Variants in PRKG1 observed in about 807,000 individuals in gnomAD.
PRKG1 encodes protein kinase cGMP-dependent 1, also known as cGMP-dependent protein kinase 1.
PRKG1 carries 35 observed loss-of-function variants against 88.1 expected under a neutral mutation model. That is an observed-to-expected ratio of 0.40 (90% CI 0.30 to 0.53). PRKG1 has a LOEUF of 0.53. Among genes scored for constraint, PRKG1 ranks in the 20% least tolerant of loss-of-function variants. The probability of loss-of-function intolerance (pLI) is 0.59; values close to 1 mark genes in which losing one functional copy is unlikely to be tolerated. For synonymous variants in PRKG1, 303 were observed against 292.5 expected, an observed-to-expected ratio of 1.04 and a Z score of -0.37; for missense variants, 540 against 839.8, an observed-to-expected ratio of 0.64 and a Z score of 4.41.
chr10:51,139,930 C>A (rs542339798), intron 1 of PRKG1, among the ~76,000 whole-genome samples: 76 of 152,306 alleles, frequency 5.0e-4, no homozygotes, highest in African/African-American at 1.8e-3. Flanking sequence ...GAATTCAATT[C>A]TTTCTCACCA....
chr10:51,651,399 T>G (rs1840035126), intron 3 of PRKG1, among the ~76,000 whole-genome samples: 1 of 152,038 alleles, frequency 6.6e-6, no homozygotes, highest in Non-Finnish European at 1.5e-5. Flanking sequence ...TGGGATGCCC[T>G]TCCCTCTTGT....
intron 5 of PRKG1, among the ~76,000 whole-genome samples, chr10:52,003,882 T>G (rs1195913712): frequency 6.6e-6 from 1 of 152,244 alleles, no homozygotes; most frequent in Admixed American, 6.5e-5. Flanking sequence ...GAAGTCAGAC[T>G]TCCTGCACTG....
intron 3 of PRKG1, among the ~76,000 whole-genome samples, chr10:51,483,009 C>CTTTTTTTTTTTTTT (rs149140774): frequency 4.5e-5 from 5 of 110,480 alleles, no homozygotes; most frequent in African/African-American, 1.0e-4. Context: ...TCTTTTCTTT[C>CTTTTTTTTTTTTTT]TTTTTTTTTT....
chr10:51,235,530 G>A (rs774306188), intron 2 of PRKG1, among the ~76,000 whole-genome samples: 8 of 152,026 alleles, frequency 5.3e-5, no homozygotes, highest in Non-Finnish European at 8.8e-5. Context: ...CTTAATGCTC[G>A]GGAGATGGAT....
rs755705869 is a variant in PRKG1, at chr10:51,238,760, C to CA, written c.478+85446dup. Among the ~76,000 whole-genome samples, 677 of 98,004 alleles carry CA rather than the reference C, an allele frequency of 6.9e-3. 1 individual carries two copies. Among genetic ancestry groups the CA allele is most frequent in the African/African-American group, 0.019 (499 of 26,498 alleles). 64.3% of individuals were successfully genotyped at this position (98,004 alleles called of 152,430 possible). On this transcript the variant is annotated intron_variant, in intron 2 of 17. Transcript: ENST00000373980. ...TGGGAGACAGAGGGAGACTCTATCT[C>CA]AAAAAAAAAAAAAAAAGTATTTTTC...
At chr10:51,615,710 C>T (rs1839034174) in intron 3 of PRKG1, among the ~76,000 whole-genome samples, 1 of 150,502 alleles carries the variant, frequency 6.6e-6, no homozygotes, top group Non-Finnish European at 1.5e-5. Context: ...TATTCATATC[C>T]TAAATTGTTT....
In PRKG1 at chr10:51,079,679, T is replaced by TTGTGTGTGTG. The variant is rs56746938; in HGVS notation, c.311+4794_311+4803dup. ...GGGTTTTAGAATAGCTAAGGCTCAT[T>TTGTGTGTGTG]TGTGTGTGTGTGTGTGTGTGTGTGT... On this transcript the variant is annotated intron_variant, in intron 1 of 17. Coordinates refer to ENST00000373980, the MANE Select transcript of PRKG1 (RefSeq NM_006258.4). Among the ~76,000 whole-genome samples the TTGTGTGTGTG allele has an allele frequency of 7.3e-3, 1,090 of 150,272 alleles. 57 individuals carry two copies. In the East Asian group the frequency reaches 0.14, roughly 20 times the overall value.
At chr10:51,447,920 T>A (rs1411144914) in intron 2 of PRKG1, among the ~76,000 whole-genome samples, 2 of 152,100 alleles carry the variant, frequency 1.3e-5, no homozygotes, top group African/African-American at 4.8e-5. Flanking sequence ...AAATGGCTTC[T>A]CATTAATATG....
At chr10:51,888,602 AATGCAG>A (rs1841633092) in intron 4 of PRKG1, among the ~76,000 whole-genome samples, 1 of 152,196 alleles carries the variant, frequency 6.6e-6, no homozygotes, top group Admixed American at 6.5e-5. Context: ...GGAGACAAAC[AATGCAG>A]GGTCTGATGT....
At chr10:51,975,825 G>A (rs542243764) in intron 5 of PRKG1, among the ~76,000 whole-genome samples, 4 of 152,106 alleles carry the variant, frequency 2.6e-5, no homozygotes, top group Admixed American at 2.6e-4. Flanking sequence ...TTCTCAAAAT[G>A]ATTATATCAG....
At chr10:52,178,651 A>C (rs1197713450) in intron 9 of PRKG1, among the ~76,000 whole-genome samples, 1 of 151,812 alleles carries the variant, frequency 6.6e-6, no homozygotes, top group Non-Finnish European at 1.5e-5. Context: ...ATCTAATAAT[A>C]TTTGCTCTAT....
At chr10:51,747,559 A>G (rs1416727321) in intron 3 of PRKG1, among the ~76,000 whole-genome samples, 1 of 151,934 alleles carries the variant, frequency 6.6e-6, no homozygotes, top group African/African-American at 2.4e-5. Context: ...TCTAAGGCCT[A>G]TTAATGGCAG....
intron 7 of PRKG1, among the ~76,000 whole-genome samples, chr10:52,108,766 G>A (rs1847483851): frequency 6.6e-6 from 1 of 151,400 alleles, no homozygotes; most frequent in South Asian, 2.1e-4. Context: ...GATAGCTATT[G>A]CGATGATACT....
intron 8 of PRKG1, among the ~76,000 whole-genome samples, chr10:52,161,598 C>A (rs1379454384): frequency 6.6e-6 from 1 of 152,016 alleles, no homozygotes; most frequent in Non-Finnish European, 1.5e-5. Flanking sequence ...GTGTCACAGA[C>A]TTTATTCCAA....
intron 6 of PRKG1, among the ~76,000 whole-genome samples, chr10:52,059,690 T>C (rs1236554419): frequency 6.6e-6 from 1 of 151,880 alleles, no homozygotes; most frequent in African/African-American, 2.4e-5. Context: ...TTGTTCTGTG[T>C]CTAATTGTTC....
chr10:51,722,173 G>A (rs914449373), intron 3 of PRKG1, among the ~76,000 whole-genome samples: 8 of 151,782 alleles, frequency 5.3e-5, no homozygotes, highest in African/African-American at 1.9e-4. Context: ...AGGTTGCAGT[G>A]AGCCGAGATC....
In PRKG1 at chr10:51,991,382, A is replaced by T. The variant is rs200248011; in HGVS notation, c.763-63102A>T. Among the ~76,000 whole-genome samples, 1,158 of 150,122 alleles carry T rather than the reference A, an allele frequency of 7.7e-3. 75 individuals are homozygous for T. The East Asian group carries it at 0.16, about 20-fold the overall frequency. On this transcript the variant is annotated intron_variant, in intron 5 of 17. Coordinates refer to ENST00000373980, the MANE Select transcript of PRKG1 (RefSeq NM_006258.4). ...AAGTAGTCATCCTTGTCTTTTCCAG[A>T]TTTTTTTTTTAAATATACTTTAAGT...
chr10:51,464,648 T>C (rs1321467897), intron 2 of PRKG1, among the ~76,000 whole-genome samples: 1 of 151,788 alleles, frequency 6.6e-6, no homozygotes, highest in East Asian at 1.9e-4. Flanking sequence ...TCCCAGCACT[T>C]TGGGAGGCCG....
At chr10:52,024,350 T>G (rs1845275585) in intron 5 of PRKG1, among the ~76,000 whole-genome samples, 1 of 152,046 alleles carries the variant, frequency 6.6e-6, no homozygotes, top group Non-Finnish European at 1.5e-5. Flanking sequence ...ATTATTATAC[T>G]TTAAGTTCTA....
Sources: allele counts gnomAD v4.1 joint callset (sites outside exome capture counted in the v4.1 genomes callset), GRCh38; gene constraint gnomAD v4.1.1; transcripts MANE v1.5; gene names NCBI Gene and HGNC (gene_info 2026-07-23, HGNC 2026-07-21).